KCNIP4: variants seen among roughly 807,000 people sequenced by gnomAD.
The protein encoded by KCNIP4 is potassium voltage-gated channel interacting protein 4.
In KCNIP4, 12 loss-of-function variants were observed where a neutral mutation model predicts 34.0. The ratio of observed to expected loss-of-function variants is 0.35; its 90% CI spans 0.23 to 0.57. The LOEUF (loss-of-function observed/expected upper bound fraction) is 0.57, where lower values mean the gene tolerates loss of function less well. KCNIP4 is among the 20% of genes least tolerant of loss of function. KCNIP4 has a pLI of 0.83. For missense variants in KCNIP4, 238 were observed against 311.7 expected (o/e 0.76, Z 1.78); for synonymous variants, 124 against 102.2 (o/e 1.21, Z -1.29).
At chr4:21,357,075 C>T (rs1718697183) in intron 1 of KCNIP4, among the ~76,000 whole-genome samples, 1 of 152,200 alleles carries the variant, frequency 6.6e-6, no homozygotes, top group Non-Finnish European at 1.5e-5. Flanking sequence ...AAAGGATTCT[C>T]TATTTAATAA....
At chr4:21,715,967 C>A (rs985555399) in intron 1 of KCNIP4, among the ~76,000 whole-genome samples, 2 of 152,082 alleles carry the variant, frequency 1.3e-5, no homozygotes, top group Admixed American at 6.6e-5. Flanking sequence ...TACTTTGATA[C>A]GACTTCTCTG....
chr4:21,601,665 T>C (rs1743174201), intron 1 of KCNIP4, among the ~76,000 whole-genome samples: 1 of 152,112 alleles, frequency 6.6e-6, no homozygotes, highest in Admixed American at 6.6e-5. Flanking sequence ...CTCTATGATC[T>C]GATTCCTGCC....
intron 1 of KCNIP4, among the ~76,000 whole-genome samples, chr4:21,068,827 A>G (rs1577632964): frequency 1.3e-5 from 2 of 152,184 alleles, no homozygotes; most frequent in East Asian, 3.9e-4. Flanking sequence ...TAATCTTAAT[A>G]ATTTTATTTA....
intron 1 of KCNIP4, among the ~76,000 whole-genome samples, chr4:21,839,831 C>T (rs1723571576): frequency 6.6e-6 from 1 of 152,050 alleles, no homozygotes. Context: ...CAATGCTGAA[C>T]ACGGAATCAA....
chr4:20,747,525 G>C (rs1212500451), intron 5 of KCNIP4, among the ~76,000 whole-genome samples: 8 of 152,084 alleles, frequency 5.3e-5, no homozygotes, highest in Non-Finnish European at 8.8e-5. Context: ...GTGGAGACTG[G>C]TACCCAGGAT....
intron 1 of KCNIP4, among the ~76,000 whole-genome samples, chr4:21,795,885 C>T (rs554805368): frequency 3.9e-5 from 6 of 152,240 alleles, no homozygotes; most frequent in Non-Finnish European, 7.4e-5. Context: ...CTGGCCAACA[C>T]ATGGTGAGAC....
Position 21,867,159 on chromosome 4 carries a change from T to G in KCNIP4, c.61+81412A>C, listed in dbSNP as rs549370543. ...TATGTGTCTTTCTTGCTAAATTGTA[T>G]TAAAAATTGTACTCTAAACCAAGAT... On this transcript the variant is annotated intron_variant, in intron 1 of 8. Coordinates refer to ENST00000382152, the MANE Select transcript of KCNIP4 (RefSeq NM_025221.6). Among the ~76,000 whole-genome samples the G allele has an allele frequency of 2.0e-5, 3 of 152,306 alleles. No homozygotes were observed. In the South Asian group the frequency reaches 6.2e-4, roughly 32 times the overall value.
At chr4:21,211,463 G>GT (rs1485568582) in intron 1 of KCNIP4, among the ~76,000 whole-genome samples, 1 of 152,050 alleles carries the variant, frequency 6.6e-6, no homozygotes, top group Non-Finnish European at 1.5e-5. Flanking sequence ...TGTGAGCTGC[G>GT]TATGTGAGGG....
intron 1 of KCNIP4, among the ~76,000 whole-genome samples, chr4:21,285,520 T>G (rs111699975): frequency 6.6e-6 from 1 of 152,004 alleles, no homozygotes; most frequent in African/African-American, 2.4e-5. Context: ...AACAATGCCA[T>G]GAAACTACAA....
intron 1 of KCNIP4, among the ~76,000 whole-genome samples, chr4:21,475,063 A>G (rs943518442): frequency 3.3e-5 from 5 of 151,728 alleles, no homozygotes; most frequent in Admixed American, 3.3e-4. Context: ...AATAATTATA[A>G]TCAATGCTTT....
At chr4:21,062,872 C>A (rs553742369) in intron 1 of KCNIP4, among the ~76,000 whole-genome samples, 1 of 152,226 alleles carries the variant, frequency 6.6e-6, no homozygotes, top group Admixed American at 6.5e-5. Context: ...ACATTAGGAT[C>A]ATTAGGAGGA....
intron 1 of KCNIP4, among the ~76,000 whole-genome samples, chr4:21,241,005 G>A (rs2109049588): frequency 1.3e-5 from 2 of 152,104 alleles, no homozygotes; most frequent in Middle Eastern, 6.8e-3. Context: ...CCAAAATAAG[G>A]AACTAGTTAG....
chr4:21,132,801 G>A (rs931219977), intron 1 of KCNIP4, among the ~76,000 whole-genome samples: 3 of 149,950 alleles, frequency 2.0e-5, no homozygotes, highest in Non-Finnish European at 4.4e-5. Flanking sequence ...CTGAGCTCAG[G>A]AGTTCGAGAC....
At chr4:21,607,357 A>C (rs889018982) in intron 1 of KCNIP4, among the ~76,000 whole-genome samples, 4 of 152,154 alleles carry the variant, frequency 2.6e-5, no homozygotes, top group Non-Finnish European at 5.9e-5. Flanking sequence ...AACAATTCTG[A>C]TGTCCACCTA....
intron 1 of KCNIP4, among the ~76,000 whole-genome samples, chr4:20,935,077 A>G (rs1159937560): frequency 1.3e-5 from 2 of 152,128 alleles, no homozygotes; most frequent in Non-Finnish European, 2.9e-5. Flanking sequence ...TCCCTTGAGG[A>G]CACAGTCATT....
intron 1 of KCNIP4, among the ~76,000 whole-genome samples, chr4:21,518,325 T>G (rs925156567): frequency 1.3e-5 from 2 of 152,140 alleles, no homozygotes; most frequent in African/African-American, 4.8e-5. Context: ...TTCCCTTTCT[T>G]CTTCTTTTTT....
chr4:21,890,366 G>A (rs935108587), intron 1 of KCNIP4, among the ~76,000 whole-genome samples: 3 of 152,106 alleles, frequency 2.0e-5, no homozygotes, highest in African/African-American at 7.2e-5. Flanking sequence ...TAACTCTTGT[G>A]TAAATACAGT....
Position 21,261,421 on chromosome 4 carries a change from A to T in KCNIP4, c.62-378712T>A, listed in dbSNP as rs75467687. Among the ~76,000 whole-genome samples the T allele has an allele frequency of 3.9e-5, 6 of 152,182 alleles. No individual in the cohort carries two copies. In the East Asian group the frequency reaches 1.2e-3, roughly 29 times the overall value. On this transcript the variant is annotated intron_variant, in intron 1 of 8. Transcript: ENST00000382152. ...TACTACAAGTTAAGAGTCAGATTAG[A>T]ATAATCATTAAAAGGGAATTCCCTG... is the stretch of plus-strand genomic sequence containing the variant.
intron 1 of KCNIP4, among the ~76,000 whole-genome samples, chr4:21,366,632 C>T (rs1208718538): frequency 1.3e-5 from 2 of 152,084 alleles, no homozygotes; most frequent in African/African-American, 2.4e-5. Context: ...AGCTATTATC[C>T]TAAAGCTGAG....
Sources: gnomAD v4.1 joint callset for allele counts (sites outside exome capture counted in the v4.1 genomes callset) on GRCh38, gnomAD v4.1.1 for gene constraint, MANE v1.5 for transcripts, NCBI Gene and HGNC (gene_info 2026-07-23, HGNC 2026-07-21) for gene names.